GNAS: variants seen among roughly 807,000 people sequenced by gnomAD.
GNAS encodes the protein protein ALEX.
A neutral mutation model predicts 54.5 loss-of-function variants in GNAS; 8 were observed. The observed-to-expected ratio is 0.15, with a 90% CI of 0.09 to 0.26. The LOEUF (loss-of-function observed/expected upper bound fraction) is 0.26, where lower values mean the gene tolerates loss of function less well. Ranked by LOEUF, GNAS falls within the 10% of genes least tolerant of loss-of-function variation. GNAS has a pLI of 1.00. For missense variants in GNAS, 170 were observed against 529.8 expected, an observed-to-expected ratio of 0.32 and a Z score of 6.67; for synonymous variants, 204 against 191.4, an observed-to-expected ratio of 1.07 and a Z score of -0.54.
In GNAS at chr20:58,909,592, G is replaced by T; in HGVS notation, c.718+13G>T. The T allele has an allele frequency of 6.2e-7, 1 of 1,614,126 alleles. No homozygotes were observed. Among genetic ancestry groups the T allele is most frequent in the Non-Finnish European group, 8.5e-7 (1 of 1,179,984 alleles). On this transcript the variant is annotated intron_variant, in intron 9 of 12. Transcript: ENST00000371085. The surrounding 1 kb of genome is among the most constrained non-coding windows in gnomAD (Gnocchi z 7.3). ...CAGTGCTTCAACGGTAGGATGCTGT[G>T]GGCTTGGCTGTTCGTAAAGAACGCT...
intron 6 of GNAS, among the ~76,000 whole-genome samples, chr20:58,907,188 C>CT (rs1174734714): frequency 6.6e-6 from 1 of 152,204 alleles, no homozygotes. Flanking sequence ...TCTGCGCAAT[C>CT]TATCAACCCC....
chr20:58,863,601 A>G lies in GNAS; in HGVS notation c.43+22715A>G, dbSNP rs1278693246. ...TAATGGGAAGGAAAAAAATCTCTGT[A>G]CTACTTTCTAAAGAGTGTCACAGTT... On this transcript the variant is annotated intron_variant, in intron 1 of 12. Transcript: ENST00000306090. The surrounding 1 kb of genome is among the most constrained non-coding windows in gnomAD (Gnocchi z 4.1). 1.3e-5 allele frequency: 2 copies of G among 152,198 alleles called. No individual in the cohort carries two copies. The highest frequency in any genetic ancestry group is 4.8e-5 in the African/African-American group (2 of 41,442). 9.4% of individuals were successfully genotyped at this position (152,198 alleles called of 1,614,324 possible).
At position 58,857,549 on chromosome 20, in the gene GNAS, G is replaced by C. The variant is rs568146163; in HGVS notation, c.43+16663G>C. Among the ~76,000 whole-genome samples the C allele has an allele frequency of 8.5e-5, 13 of 152,320 alleles. No individual in the cohort carries two copies. The South Asian group carries it at 1.2e-3, about 15-fold the overall frequency. The stretch of plus-strand genomic sequence containing the variant: ...CCTGACCCCTAATTGTCAAATTGGT[G>C]ATGTGCCTTACATGCGGGGCCTCAG... On this transcript the variant is annotated intron_variant, in intron 1 of 12. Coordinates refer to the GNAS transcript ENST00000306090. This position sits in a 1 kb window ranked among gnomAD's most constrained non-coding sequence, Gnocchi z 4.1.
At position 58,911,154 on chromosome 20, in the gene GNAS, TA is replaced by T; in HGVS notation, c.*333del. 1.4e-5 allele frequency: 7 copies of T among 500,432 alleles called. 1 individual carries two copies. The highest frequency in any genetic ancestry group is 5.3e-5 in the South Asian group (3 of 56,898). The allele number at this position is 500,432 out of a possible 1,614,324, so 31.0% of individuals were successfully genotyped here. A position where few individuals can be genotyped will look rare whatever the true frequency, so the allele number is the denominator to read the frequency against. ...AAATAAATATTGTGTTGTGCAGCATTAAAAAAAATCAAAATAAAAATTAAAT... is the reference window on the plus strand; with the variant it reads ...AAATAAATATTGTGTTGTGCAGCATTAAAAAAATCAAAATAAAAATTAAAT... On this transcript the variant is annotated 3_prime_UTR_variant, in exon 13 of 13. Coordinates refer to ENST00000371085, the MANE Select transcript of GNAS (RefSeq NM_000516.7).
upstream of GNAS, among the ~76,000 whole-genome samples, chr20:58,890,197 TGAAGAA>T (rs369104721): frequency 2.9e-4 from 44 of 151,148 alleles, no homozygotes; most frequent in African/African-American, 7.3e-4. Context: ...GAGAAGATGC[TGAAGAA>T]GAAGAAGAAG....
intron 6 of GNAS, among the ~76,000 whole-genome samples, chr20:58,905,764 G>T (rs1215386437): frequency 2.0e-5 from 3 of 152,194 alleles, no homozygotes; most frequent in Non-Finnish European, 4.4e-5. Context: ...TTAGTAGGAA[G>T]TAATTAATTG....
At chr20:58,878,207 A>G (rs570961354) in intron 1 of GNAS, among the ~76,000 whole-genome samples, 1 of 152,324 alleles carries the variant, frequency 6.6e-6, no homozygotes, top group Admixed American at 6.5e-5. Flanking sequence ...CTATGTTAGA[A>G]GTGATGTCAC....
At chr20:58,848,756 C>A (rs1461471227) in intron 1 of GNAS, 16 of 395,634 alleles carry the variant, frequency 4.0e-5, no homozygotes, top group African/African-American at 6.2e-5. Context: ...TCTTACTATA[C>A]CGGATTCCTC....
intron 6 of GNAS, among the ~76,000 whole-genome samples, chr20:58,908,541 A>G (rs2091232525): frequency 1.3e-5 from 2 of 151,508 alleles, no homozygotes; most frequent in African/African-American, 4.9e-5. Context: ...TGTGCCCTTG[A>G]GGGGAAAGTC....
intron 1 of GNAS, 135 bp downstream of exon 1, chr20:58,892,000 T>TG (rs1001282282): frequency 4.5e-4 from 325 of 725,478 alleles, no homozygotes; most frequent in Admixed American, 1.5e-3. Context: ...GCTCTGTCTG[T>TG]GGGGGGCGAG....
intron 6 of GNAS, among the ~76,000 whole-genome samples, chr20:58,908,010 G>A (rs1185402237): frequency 3.3e-5 from 5 of 152,218 alleles, no homozygotes; most frequent in African/African-American, 7.2e-5. Flanking sequence ...AGGCCAGGGC[G>A]GCTGGGGAGC....
In GNAS at chr20:58,841,694, G is replaced by C; in HGVS notation, c.43+808G>C. ...GGGGGAAAGGTAGAGGAGGTAAGGG[G>C]ACCCTTGGGGATGCCCCTACGGGCT... On this transcript the variant is annotated intron_variant, in intron 1 of 12. Transcript: ENST00000306090. This position sits in a 1 kb window ranked among gnomAD's most constrained non-coding sequence, Gnocchi z 5.0. The C allele has an allele frequency of 5.8e-6, 7 of 1,202,796 alleles. No individual in the cohort carries two copies. The highest frequency in any genetic ancestry group is 6.2e-6 in the Non-Finnish European group (6 of 969,552). The allele number at this position is 1,202,796 out of a possible 1,614,324, so 74.5% of individuals were successfully genotyped here.
upstream of GNAS, chr20:58,840,045 C>T: frequency 1.3e-6 from 2 of 1,580,022 alleles, no homozygotes; most frequent in South Asian, 2.2e-5. This position sits in a 1 kb window ranked among gnomAD's most constrained non-coding sequence, Gnocchi z 6.0. Flanking sequence ...AGCCAATGTG[C>T]TTCGGAGCCA....
Position 58,841,241 on chromosome 20 carries a change from C to A in GNAS, c.43+355C>A. 1 of 890,776 alleles carries A rather than the reference C, an allele frequency of 1.1e-6. No individual in the cohort carries two copies. Among genetic ancestry groups the A allele is most frequent in the Non-Finnish European group, 1.4e-6 (1 of 702,698 alleles). The allele number at this position is 890,776 out of a possible 1,614,324, so 55.2% of individuals were successfully genotyped here. ...GCATTGGTAAGTCACTTGTTTTGCG[C>A]GCTTTTCTTCCTCCTAGAAAGACTA... On this transcript the variant is annotated intron_variant, in intron 1 of 12. Transcript: ENST00000306090. The surrounding 1 kb of genome is among the most constrained non-coding windows in gnomAD (Gnocchi z 5.0).
intron 1 of GNAS, chr20:58,892,209 G>T: frequency 1.0e-6 from 1 of 977,894 alleles, no homozygotes; most frequent in South Asian, 4.7e-5. Context: ...CAGGGGTTTG[G>T]GTGCGTGTTG....
chr20:58,899,167 G>A (rs748267279), intron 3 of GNAS, among the ~76,000 whole-genome samples, 182 bp downstream of exon 3: 1 of 152,142 alleles, frequency 6.6e-6, no homozygotes, highest in South Asian at 2.1e-4. Context: ...AGTAAAGTGC[G>A]TAACATAAAT....
chr20:58,900,112 C>T (rs921818558), intron 3 of GNAS: 7 of 566,264 alleles, frequency 1.2e-5, no homozygotes, highest in South Asian at 6.8e-5. Flanking sequence ...TGACCTTAAA[C>T]GATGATTGAA....
rs1192036297 is a variant in GNAS at position 58,854,808 on chromosome 20, T to C, written c.43+13922T>C. On this transcript the variant is annotated intron_variant, in intron 1 of 12. Transcript: ENST00000306090. ...GGCAGCCCAAGTCCGCCGGGCGGCC[T>C]CTGCAGCCCCTGCCTCCGGGGCCAG... 1.4e-5 allele frequency: 22 copies of C among 1,585,896 alleles called. 1 individual carries two copies. The South Asian group carries it at 2.3e-4, about 16-fold the overall frequency.
Position 58,910,619 on chromosome 20 carries a change from C to T in GNAS, c.1039-64C>T. On this transcript the variant is annotated intron_variant, in intron 12 of 12. Coordinates refer to ENST00000371085, the MANE Select transcript of GNAS (RefSeq NM_000516.7). This position sits in a 1 kb window ranked among gnomAD's most constrained non-coding sequence, Gnocchi z 5.8. ...GACAGCCGTCCCTGGTAGGTGTCCC[C>T]ATCAGGGATAGGGTGGTTCCTGGCG... 1.3e-6 allele frequency: 2 copies of T among 1,545,888 alleles called. No individual in the cohort carries two copies. The highest frequency in any genetic ancestry group is 1.8e-6 in the Non-Finnish European group (2 of 1,118,274).
Sources: gnomAD v4.1 joint callset for allele counts (sites outside exome capture counted in the v4.1 genomes callset) on GRCh38, gnomAD v4.1.1 for gene constraint, Gnocchi (gnomAD v3.1) non-coding constraint, MANE v1.5 for transcripts, NCBI Gene and HGNC (gene_info 2026-07-23, HGNC 2026-07-21) for gene names.